Variants in SLC25A48 observed in about 807,000 individuals in gnomAD.
SLC25A48 encodes solute carrier family 25 member 48, also known as CTC-321K16.1.
Under a neutral mutation model 32.2 loss-of-function variants are expected in SLC25A48, and 29 were observed. The observed-to-expected ratio is 0.90, with a 90% CI of 0.67 to 1.23. The LOEUF is 1.23. SLC25A48 is among the 50% of genes most tolerant of loss of function. The pLI is 0.00. For synonymous variants in SLC25A48, 164 were observed against 172.3 expected (o/e 0.95, Z 0.38); for missense variants, 399 against 422.7 (o/e 0.94, Z 0.49).
intron 4 of SLC25A48, among the ~76,000 whole-genome samples, chr5:135,817,713 A>G (rs1019702447): frequency 1.4e-4 from 22 of 152,238 alleles, no homozygotes; most frequent in African/African-American, 5.3e-4. Context: ...GACTTTGTTA[A>G]TAAAATAAAA....
At chr5:135,846,580 G>A (rs962040099) in intron 2 of SLC25A48, among the ~76,000 whole-genome samples, 24 of 152,120 alleles carry the variant, frequency 1.6e-4, no homozygotes, top group African/African-American at 5.8e-4. Context: ...TTCTCCTTGG[G>A]TTTTCAGCTC....
At chr5:135,797,337 G>A (rs1460693504) in intron 3 of SLC25A48, among the ~76,000 whole-genome samples, 3 of 151,818 alleles carry the variant, frequency 2.0e-5, no homozygotes, top group Admixed American at 1.3e-4. Context: ...ATATTGCAGG[G>A]GGTTTACACA....
At chr5:135,624,857 T>G (rs1038797687) in intron 1 of SLC25A48, among the ~76,000 whole-genome samples, 1 of 152,250 alleles carries the variant, frequency 6.6e-6, no homozygotes, top group Non-Finnish European at 1.5e-5. Context: ...AGATCCGATT[T>G]GTGGAACACT....
chr5:135,844,130 A>G (rs979700116), intron 2 of SLC25A48, among the ~76,000 whole-genome samples: 24 of 152,282 alleles, frequency 1.6e-4, no homozygotes, highest in African/African-American at 5.3e-4. Context: ...AGAGCTGGCT[A>G]GTTACCGTGC....
At chr5:135,800,430 A>G (rs1387510992) in intron 3 of SLC25A48, among the ~76,000 whole-genome samples, 1 of 151,924 alleles carries the variant, frequency 6.6e-6, no homozygotes, top group Admixed American at 6.6e-5. Flanking sequence ...ATTACTTTCA[A>G]TATCACAGAA....
chr5:135,810,677 G>A (rs1343744056), intron 3 of SLC25A48, among the ~76,000 whole-genome samples: 9 of 152,140 alleles, frequency 5.9e-5, no homozygotes, highest in Non-Finnish European at 1.2e-4. Context: ...AGGAGGTTTC[G>A]TATTTTATAT....
intron 4 of SLC25A48, among the ~76,000 whole-genome samples, chr5:135,868,081 T>C (rs1031750013): frequency 6.6e-6 from 1 of 152,246 alleles, no homozygotes; most frequent in African/African-American, 2.4e-5. Context: ...TGAATGCAAT[T>C]GTAAAAACTC....
chr5:135,581,524 C>T (rs943136694), intron 1 of SLC25A48, among the ~76,000 whole-genome samples: 1 of 152,140 alleles, frequency 6.6e-6, no homozygotes, highest in African/African-American at 2.4e-5. Context: ...TTTTTATTAA[C>T]GATTTTATTT....
chr5:135,581,305 A>G (rs971552674), intron 1 of SLC25A48, among the ~76,000 whole-genome samples: 3 of 152,196 alleles, frequency 2.0e-5, no homozygotes, highest in Admixed American at 6.5e-5. Context: ...CTTACAACCA[A>G]TGCTGTTTGA....
intron 3 of SLC25A48, among the ~76,000 whole-genome samples, chr5:135,731,339 G>T (rs896167560): frequency 1.3e-5 from 2 of 152,200 alleles, no homozygotes; most frequent in Non-Finnish European, 2.9e-5. Flanking sequence ...TATACCTGCA[G>T]GTCACAGGGG....
chr5:135,818,055 CT>C (rs1757774886), intron 4 of SLC25A48, among the ~76,000 whole-genome samples: 1 of 2,334 alleles, frequency 4.3e-4, no homozygotes, highest in East Asian at 0.031. Flanking sequence ...CTCTCTGTTC[CT>C]CTCTCTCTCT....
chr5:135,665,229 G>A (rs1324500225), intron 3 of SLC25A48, among the ~76,000 whole-genome samples: 1 of 152,104 alleles, frequency 6.6e-6, no homozygotes, highest in African/African-American at 2.4e-5. Flanking sequence ...CCTCTTTTGA[G>A]AAATGTCTGT....
At chr5:135,652,227 A>G in intron 3 of SLC25A48, 1 of 388,084 alleles carries the variant, frequency 2.6e-6, no homozygotes, top group South Asian at 1.9e-5. Context: ...CCCTGATATG[A>G]CACCATTCCC....
chr5:135,742,542 A>G (rs546322936), intron 3 of SLC25A48: 58 of 1,464,100 alleles, frequency 4.0e-5, no homozygotes, highest in Non-Finnish European at 5.1e-5. Context: ...AACAATACCA[A>G]GATTTTGTGT....
chr5:135,723,380 T>TCACACACACACACACACACACACACACA (rs138387748), intron 3 of SLC25A48, among the ~76,000 whole-genome samples: 24 of 111,764 alleles, frequency 2.1e-4, no homozygotes, highest in Non-Finnish European at 2.6e-4. Flanking sequence ...TCTCTCTCTC[T>TCACACACACACACACACACACACACACA]CACACACACA....
rs150289372 is a variant in SLC25A48, at chr5:135,623,594, C to T, written c.-848-5643C>T. On this transcript the variant is annotated intron_variant, in intron 1 of 10. Transcript: ENST00000646290. ...AGGCTTGTCCCTTCACTTCAGTAGT[C>T]TGAGCCTCAGGCTGCCCTTCTATAA... is the stretch of plus-strand genomic sequence containing the variant. Among the ~76,000 whole-genome samples the T allele has an allele frequency of 4.5e-3, 692 of 152,308 alleles. 5 individuals are homozygous for T. The highest frequency in any genetic ancestry group is 0.016 in the African/African-American group (662 of 41,562).
chr5:135,604,102 G>C (rs1446708004), intron 1 of SLC25A48, among the ~76,000 whole-genome samples: 2 of 152,168 alleles, frequency 1.3e-5, no homozygotes, highest in Non-Finnish European at 2.9e-5. Context: ...GGTGGGTTCC[G>C]TTATTATGCC....
At chr5:135,877,563 C>T (rs1468425582) in intron 6 of SLC25A48, among the ~76,000 whole-genome samples, 1 of 152,176 alleles carries the variant, frequency 6.6e-6, no homozygotes, top group Non-Finnish European at 1.5e-5. Context: ...CTCATCCATC[C>T]ATCCATTCAC....
chr5:135,812,042 A>G (rs1757599328), intron 3 of SLC25A48, among the ~76,000 whole-genome samples: 2 of 152,214 alleles, frequency 1.3e-5, no homozygotes, highest in Admixed American at 6.5e-5. Context: ...AGCCCGCACC[A>G]CTGCATTCCA....
Sources: gnomAD v4.1 joint callset for allele counts (sites outside exome capture counted in the v4.1 genomes callset) on GRCh38, gnomAD v4.1.1 for gene constraint, MANE v1.5 for transcripts, NCBI Gene and HGNC (gene_info 2026-07-23, HGNC 2026-07-21) for gene names.